KIDINS220: variants seen among roughly 807,000 people sequenced by gnomAD.
The protein encoded by KIDINS220 is kinase D interacting substrate 220, also known as kinase D-interacting substrate of 220 kDa.
Under a neutral mutation model 157.6 loss-of-function variants are expected in KIDINS220, and 63 were observed. The observed-to-expected ratio is 0.40, with a 90% confidence interval of 0.33 to 0.49. The LOEUF (loss-of-function observed/expected upper bound fraction) is 0.49. Among genes scored for constraint, KIDINS220 ranks in the 20% least tolerant of loss-of-function variants. KIDINS220 has a pLI of 0.66. For synonymous variants in KIDINS220, 732 were observed against 783.6 expected, an observed-to-expected ratio of 0.93 and a Z score of 1.10; for missense variants, 1,772 against 2,171.2, an observed-to-expected ratio of 0.82 and a Z score of 3.65.
intron 26 of KIDINS220, chr2:8,740,120 GA>G (rs1465141523): frequency 1.1e-6 from 1 of 951,442 alleles, no homozygotes; most frequent in Non-Finnish European, 1.3e-6. Flanking sequence ...AGTCTAATAA[GA>G]AAAGTAAGAT....
At chr2:8,813,629 A>G (rs908332805) in intron 4 of KIDINS220, among the ~76,000 whole-genome samples, 3 of 152,216 alleles carry the variant, frequency 2.0e-5, no homozygotes, top group Middle Eastern at 3.2e-3. Context: ...GGCTGTCCAA[A>G]AATATTTCTT....
intron 21 of KIDINS220, among the ~76,000 whole-genome samples, chr2:8,771,142 C>T (rs1472010701): frequency 1.3e-5 from 2 of 152,162 alleles, no homozygotes; most frequent in South Asian, 2.1e-4. Context: ...CACAGTTCAA[C>T]GCCACCCACG....
chr2:8,809,897 T>C (rs1676040578), intron 6 of KIDINS220, among the ~76,000 whole-genome samples: 1 of 152,026 alleles, frequency 6.6e-6, no homozygotes, highest in Non-Finnish European at 1.5e-5. Context: ...TGATTCTGAG[T>C]GTCTACAGGC....
At chr2:8,834,014 C>G (rs113487463) in intron 1 of KIDINS220, among the ~76,000 whole-genome samples, 1 of 152,130 alleles carries the variant, frequency 6.6e-6, no homozygotes, top group Non-Finnish European at 1.5e-5. Flanking sequence ...CCTCCAGATA[C>G]GACACAGTAA....
chr2:8,827,570 C>T (rs1678991245), intron 1 of KIDINS220, among the ~76,000 whole-genome samples: 1 of 152,216 alleles, frequency 6.6e-6, no homozygotes, highest in Non-Finnish European at 1.5e-5. Context: ...CTGACTACTA[C>T]TCACCACTTC....
downstream of KIDINS220, among the ~76,000 whole-genome samples, chr2:8,726,580 T>C (rs1663339953): frequency 6.6e-6 from 1 of 152,216 alleles, no homozygotes. Context: ...AAATGCGCTG[T>C]TGGACGATTT....
At chr2:8,811,235 T>A (rs1023992823) in intron 6 of KIDINS220, among the ~76,000 whole-genome samples, 2 of 151,084 alleles carry the variant, frequency 1.3e-5, no homozygotes, top group African/African-American at 4.9e-5. Context: ...AGACTATGAC[T>A]ATCCCCACAA....
At chr2:8,770,114 T>C (rs1669988831) in intron 22 of KIDINS220, among the ~76,000 whole-genome samples, 1 of 152,098 alleles carries the variant, frequency 6.6e-6, no homozygotes, top group Non-Finnish European at 1.5e-5. Context: ...ATATAAACTA[T>C]ACACTAAGGC....
intron 24 of KIDINS220, among the ~76,000 whole-genome samples, chr2:8,748,438 A>G (rs1413283939): frequency 6.6e-6 from 1 of 152,346 alleles, no homozygotes; most frequent in Non-Finnish European, 1.5e-5. Context: ...GAATATATGA[A>G]AACACCCTGG....
chr2:8,728,321 TCAAACAAA>T (rs142900998), downstream of KIDINS220, among the ~76,000 whole-genome samples: 286 of 151,240 alleles, frequency 1.9e-3, no homozygotes, highest in African/African-American at 3.3e-3. Context: ...AGAGACTGCC[TCAAACAAA>T]CAAACAAACA....
intron 22 of KIDINS220, among the ~76,000 whole-genome samples, chr2:8,767,803 C>T (rs536993951): frequency 1.1e-4 from 16 of 152,262 alleles, no homozygotes; most frequent in Middle Eastern, 3.4e-3. Flanking sequence ...ATAGAAATAA[C>T]ATTACTTGAA....
At chr2:8,779,257 T>C in intron 18 of KIDINS220, 118 bp from the exon 19 acceptor site, 1 of 1,312,324 alleles carries the variant, frequency 7.6e-7, no homozygotes, top group South Asian at 1.5e-5. Context: ...ACTATTTCTT[T>C]TCATCAAAAC....
At chr2:8,734,198 T>G (rs1664550365) in intron 28 of KIDINS220, among the ~76,000 whole-genome samples, 1 of 149,998 alleles carries the variant, frequency 6.7e-6, no homozygotes, top group African/African-American at 2.5e-5. Context: ...ATGGCCAGGG[T>G]GAGCCGACAT....
chr2:8,792,183 A>T (rs181402309), intron 12 of KIDINS220, among the ~76,000 whole-genome samples: 1 of 152,340 alleles, frequency 6.6e-6, no homozygotes, highest in East Asian at 1.9e-4. Context: ...GAAAAACTTT[A>T]AAAATCTTTG....
At chr2:8,771,305 T>C (rs898207752) in intron 21 of KIDINS220, among the ~76,000 whole-genome samples, 2 of 152,258 alleles carry the variant, frequency 1.3e-5, no homozygotes, top group Non-Finnish European at 2.9e-5. Flanking sequence ...CAGGCTTTCA[T>C]TTTCACATAC....
At chr2:8,752,528 T>C (rs1667509466) in intron 22 of KIDINS220, among the ~76,000 whole-genome samples, 1 of 152,254 alleles carries the variant, frequency 6.6e-6, no homozygotes, top group Non-Finnish European at 1.5e-5. Flanking sequence ...TGAAGATTCA[T>C]TGAGTTATTG....
chr2:8,754,797 A>C (rs1025237570), intron 22 of KIDINS220, among the ~76,000 whole-genome samples: 1 of 152,254 alleles, frequency 6.6e-6, no homozygotes, highest in East Asian at 1.9e-4. Flanking sequence ...AGATTCTTAG[A>C]GCAGAATTTA....
At chr2:8,734,347 G>A (rs766560489) in intron 28 of KIDINS220, among the ~76,000 whole-genome samples, 20 of 152,130 alleles carry the variant, frequency 1.3e-4, no homozygotes, top group African/African-American at 2.4e-4. Flanking sequence ...TCAAGGCCTC[G>A]AAGGCTTTGA....
chr2:8,801,857 T>C (rs1674756367), intron 8 of KIDINS220, among the ~76,000 whole-genome samples: 1 of 152,192 alleles, frequency 6.6e-6, no homozygotes, highest in Non-Finnish European at 1.5e-5. Flanking sequence ...CAGTGAGCTG[T>C]GATCACACCA....
Sources: allele counts gnomAD v4.1 joint callset (sites outside exome capture counted in the v4.1 genomes callset), GRCh38; gene constraint gnomAD v4.1.1; transcripts MANE v1.5; gene names NCBI Gene and HGNC (gene_info 2026-07-23, HGNC 2026-07-21).